NRXN3: variants seen among roughly 807,000 people sequenced by gnomAD.
The protein encoded by NRXN3 is neurexin III.
In NRXN3, 32 loss-of-function variants were observed where a neutral mutation model predicts 137.6. That is an observed-to-expected ratio of 0.23 (90% CI 0.18 to 0.31). The LOEUF is 0.31. NRXN3 is among the 10% of genes least tolerant of loss of function. The pLI is 1.00. For missense variants in NRXN3, 1,574 were observed against 2,062.5 expected (o/e 0.76, Z 4.59); for synonymous variants, 798 against 784.5 (o/e 1.02, Z -0.29).
intron 4 of NRXN3, among the ~76,000 whole-genome samples, chr14:78,323,216 A>T (rs930974458): frequency 1.3e-5 from 2 of 151,994 alleles, no homozygotes; most frequent in African/African-American, 4.8e-5. Flanking sequence ...TATTACTTTC[A>T]TTTTTGTGGG....
intron 4 of NRXN3, among the ~76,000 whole-genome samples, chr14:78,499,967 G>A (rs1044945654): frequency 2.0e-5 from 3 of 152,102 alleles, no homozygotes; most frequent in African/African-American, 7.2e-5. Flanking sequence ...GCTGTATTCT[G>A]TTTGTTACAC....
chr14:79,850,004 G>A (rs112148419), intron 20 of NRXN3, among the ~76,000 whole-genome samples: 21 of 152,252 alleles, frequency 1.4e-4, no homozygotes, highest in African/African-American at 3.4e-4. Flanking sequence ...AAGTCAAACT[G>A]TGATTCAGAA....
chr14:79,491,654 A>AGTGTGT (rs113305088), intron 16 of NRXN3, among the ~76,000 whole-genome samples: 5 of 151,256 alleles, frequency 3.3e-5, no homozygotes, highest in South Asian at 2.1e-4. Flanking sequence ...AAAATAAAAA[A>AGTGTGT]GTGTGTGTGT....
intron 10 of NRXN3, among the ~76,000 whole-genome samples, chr14:78,845,964 T>C (rs1394287742): frequency 6.6e-6 from 1 of 151,636 alleles, no homozygotes; most frequent in Non-Finnish European, 1.5e-5. Context: ...GATTTTACTT[T>C]TTACTCAGCC....
intron 10 of NRXN3, among the ~76,000 whole-genome samples, chr14:78,865,792 C>T (rs2099085248): frequency 6.6e-6 from 1 of 152,100 alleles, no homozygotes; most frequent in Non-Finnish European, 1.5e-5. Context: ...ACAGATAAGG[C>T]AGTCAGTATA....
At chr14:78,864,103 CA>C (rs1338406654) in intron 10 of NRXN3, among the ~76,000 whole-genome samples, 1 of 152,116 alleles carries the variant, frequency 6.6e-6, no homozygotes, top group African/African-American at 2.4e-5. Context: ...CTGGAAGACT[CA>C]AAATACATTT....
At chr14:79,649,682 G>A (rs1191093617) in intron 16 of NRXN3, among the ~76,000 whole-genome samples, 2 of 152,168 alleles carry the variant, frequency 1.3e-5, no homozygotes, top group Admixed American at 6.5e-5. Flanking sequence ...GGTTGATAGT[G>A]TAAGGAATTT....
intron 16 of NRXN3, among the ~76,000 whole-genome samples, chr14:79,646,799 T>G (rs1409326416): frequency 7.4e-6 from 1 of 136,038 alleles, no homozygotes; most frequent in East Asian, 1.9e-4. Flanking sequence ...GGAATCACAC[T>G]TCTTGTAACT....
intron 15 of NRXN3, among the ~76,000 whole-genome samples, chr14:79,238,548 TAC>T (rs879385321): frequency 2.0e-5 from 3 of 152,034 alleles, no homozygotes; most frequent in East Asian, 1.9e-4. Context: ...TGTGATACAT[TAC>T]ACACACACAC....
chr14:79,698,599 T>G (rs1285545996), intron 19 of NRXN3, among the ~76,000 whole-genome samples: 1 of 152,088 alleles, frequency 6.6e-6, no homozygotes, highest in Non-Finnish European at 1.5e-5. Flanking sequence ...TTTTTCCACT[T>G]GAAAGTAATT....
At chr14:79,370,705 TG>T (rs897742888) in intron 15 of NRXN3, among the ~76,000 whole-genome samples, 3 of 152,158 alleles carry the variant, frequency 2.0e-5, no homozygotes, top group African/African-American at 4.8e-5. Context: ...TGACTGAGCT[TG>T]GGACTACCTC....
chr14:78,998,931 T>C (rs1162404879), intron 15 of NRXN3, among the ~76,000 whole-genome samples: 1 of 152,050 alleles, frequency 6.6e-6, no homozygotes, highest in Non-Finnish European at 1.5e-5. Context: ...TTGATTAAGC[T>C]CAGTGATTGC....
intron 15 of NRXN3, among the ~76,000 whole-genome samples, chr14:79,014,831 T>C (rs952491533): frequency 6.6e-6 from 1 of 152,192 alleles, no homozygotes; most frequent in African/African-American, 2.4e-5. Context: ...TGGATTTTTG[T>C]TGCTTTCATC....
intron 15 of NRXN3, among the ~76,000 whole-genome samples, chr14:79,310,231 T>G (rs1249373235): frequency 1.8e-5 from 2 of 108,576 alleles, no homozygotes; most frequent in Admixed American, 9.9e-5. Context: ...TTGTCAAAGA[T>G]CAGATAGTTG....
chr14:79,104,988 G>T (rs1473036170), intron 15 of NRXN3, among the ~76,000 whole-genome samples: 1 of 152,068 alleles, frequency 6.6e-6, no homozygotes, highest in Non-Finnish European at 1.5e-5. Flanking sequence ...GATATTTCAT[G>T]TCTGGGCCCA....
intron 14 of NRXN3, among the ~76,000 whole-genome samples, chr14:78,973,408 T>C (rs1194989650): frequency 6.6e-6 from 1 of 152,180 alleles, no homozygotes; most frequent in African/African-American, 2.4e-5. Context: ...TGAAAGAGAA[T>C]GTCATTTTCT....
At chr14:78,673,309 CTGCAGAGGCTG>C (rs2097957149) in intron 6 of NRXN3, among the ~76,000 whole-genome samples, 1 of 152,194 alleles carries the variant, frequency 6.6e-6, no homozygotes, top group South Asian at 2.1e-4. Flanking sequence ...GCCAATTGTG[CTGCAGAGGCTG>C]TGTGGTGTTT....
intron 4 of NRXN3, among the ~76,000 whole-genome samples, chr14:78,511,335 A>G (rs569757045): frequency 2.6e-4 from 40 of 152,350 alleles, no homozygotes; most frequent in African/African-American, 9.4e-4. Flanking sequence ...CTTGGAAAGC[A>G]TGTAAAGATT....
chr14:79,307,813 C>G (rs974872754), intron 15 of NRXN3, among the ~76,000 whole-genome samples: 2 of 151,892 alleles, frequency 1.3e-5, no homozygotes, highest in Admixed American at 6.6e-5. Context: ...TTCTCTCTCT[C>G]TCTCTTTTCC....
Sources: allele counts gnomAD v4.1 joint callset (sites outside exome capture counted in the v4.1 genomes callset), GRCh38; gene constraint gnomAD v4.1.1; transcripts MANE v1.5; gene names NCBI Gene and HGNC (gene_info 2026-07-23, HGNC 2026-07-21).